Variants in HEMK2 observed in about 807,000 individuals in gnomAD.
HEMK2 encodes HemK methyltransferase 2, ETF1 glutamine and histone H4 lysine.
the HEMK2 span, among the ~76,000 whole-genome samples, chr21:28,841,368 A>ATACTATTATATAT: frequency 2.1e-3 from 58 of 27,118 alleles, 1 homozygote; most frequent in African/African-American, 0.02. Flanking sequence ...TATATTATAT[A>ATACTATTATATAT]AAATATTATA....
chr21:28,754,663 T>C, the HEMK2 span, among the ~76,000 whole-genome samples: 1 of 152,212 alleles, frequency 6.6e-6, no homozygotes, highest in Admixed American at 6.5e-5. Flanking sequence ...ACAGAATTTT[T>C]TTTTGTAAAC....
chr21:28,612,645 C>T, the HEMK2 span, among the ~76,000 whole-genome samples: 1 of 152,112 alleles, frequency 6.6e-6, no homozygotes, highest in African/African-American at 2.4e-5. Context: ...GTCAACCTGT[C>T]ACTGTTTGCT....
At chr21:28,675,158 G>C in the HEMK2 span, among the ~76,000 whole-genome samples, 1 of 152,122 alleles carries the variant, frequency 6.6e-6, no homozygotes, top group East Asian at 1.9e-4. Context: ...TGGCTTATTT[G>C]TCCATGTCTT....
chr21:28,648,160 C>T, the HEMK2 span, among the ~76,000 whole-genome samples: 1 of 152,204 alleles, frequency 6.6e-6, no homozygotes, highest in African/African-American at 2.4e-5. Flanking sequence ...AAAATTATGA[C>T]AGCAGCTTAA....
the HEMK2 span, among the ~76,000 whole-genome samples, chr21:28,787,439 G>C: frequency 0.02 from 5 of 244 alleles, no homozygotes; most frequent in African/African-American, 0.093. Context: ...CCACAGAGTG[G>C]GAGAAACCTT....
the HEMK2 span, among the ~76,000 whole-genome samples, chr21:28,751,235 A>G: frequency 2.1e-5 from 1 of 47,550 alleles, no homozygotes; most frequent in Non-Finnish European, 3.5e-5. Context: ...TGTCTCAATG[A>G]AAAAAAAAAA....
At chr21:28,578,820 C>A in the HEMK2 span, among the ~76,000 whole-genome samples, 3 of 152,112 alleles carry the variant, frequency 2.0e-5, no homozygotes, top group Non-Finnish European at 4.4e-5. Flanking sequence ...AGGCAGCACA[C>A]GTAATATTGG....
chr21:28,877,245 G>A, the HEMK2 span, among the ~76,000 whole-genome samples: 1 of 128,166 alleles, frequency 7.8e-6, no homozygotes, highest in Non-Finnish European at 1.6e-5. Context: ...GGAAGGGAAG[G>A]GAAGGGAAGA....
At chr21:28,797,001 G>C in the HEMK2 span, among the ~76,000 whole-genome samples, 1 of 152,138 alleles carries the variant, frequency 6.6e-6, no homozygotes, top group Non-Finnish European at 1.5e-5. Context: ...TGTTTTGTTG[G>C]TAGCACCCAA....
chr21:28,731,296 T>C, the HEMK2 span, among the ~76,000 whole-genome samples: 2 of 152,194 alleles, frequency 1.3e-5, no homozygotes, highest in Non-Finnish European at 2.9e-5. Flanking sequence ...CAAGGTCACA[T>C]AGATACTATG....
the HEMK2 span, among the ~76,000 whole-genome samples, chr21:28,758,840 G>C: frequency 6.6e-6 from 1 of 152,114 alleles, no homozygotes; most frequent in Admixed American, 6.5e-5. Flanking sequence ...ATCTAGATAG[G>C]CTTTTTAGAT....
chr21:28,813,839 T>C, the HEMK2 span, among the ~76,000 whole-genome samples: 1 of 152,214 alleles, frequency 6.6e-6, no homozygotes, highest in African/African-American at 2.4e-5. Context: ...GGATTCCCTA[T>C]TTAACAAAGG....
the HEMK2 span, among the ~76,000 whole-genome samples, chr21:28,808,612 A>G: frequency 2.6e-5 from 4 of 152,046 alleles, no homozygotes; most frequent in East Asian, 7.7e-4. Flanking sequence ...TTTATTTATA[A>G]ATACATTATA....
At chr21:28,685,372 GGAAGTT>G in the HEMK2 span, among the ~76,000 whole-genome samples, 2 of 152,178 alleles carry the variant, frequency 1.3e-5, no homozygotes, top group South Asian at 4.1e-4. Context: ...AGAAAGGACA[GGAAGTT>G]GAAGTTGAAG....
chr21:28,762,931 CTATG>C, the HEMK2 span, among the ~76,000 whole-genome samples: 2 of 152,106 alleles, frequency 1.3e-5, no homozygotes, highest in Admixed American at 6.5e-5. Flanking sequence ...ATTAAATTAT[CTATG>C]TAACTACAGA....
At chr21:28,775,540 G>A in the HEMK2 span, among the ~76,000 whole-genome samples, 1 of 152,120 alleles carries the variant, frequency 6.6e-6, no homozygotes, top group East Asian at 1.9e-4. Context: ...TAGATTGATA[G>A]AAAGAATGTA....
chr21:28,665,387 AT>A, the HEMK2 span, among the ~76,000 whole-genome samples: 3,730 of 14,376 alleles, frequency 0.26, 411 homozygotes, highest in African/African-American at 0.44. Flanking sequence ...TTTTTTTTTA[AT>A]TTTTTTTTTT....
the HEMK2 span, among the ~76,000 whole-genome samples, chr21:28,765,309 A>G: frequency 6.6e-6 from 1 of 152,224 alleles, no homozygotes; most frequent in East Asian, 1.9e-4. Context: ...CAGCCTCATG[A>G]AGCCAAGGAC....
the HEMK2 span, among the ~76,000 whole-genome samples, chr21:28,831,646 A>AGAAGGAAG: frequency 3.0e-5 from 1 of 33,406 alleles, no homozygotes; most frequent in African/African-American, 1.7e-4. Context: ...AAAGAAAGAA[A>AGAAGGAAG]GAAAGAAAGA....
Sources: allele counts gnomAD v4.1 joint callset (sites outside exome capture counted in the v4.1 genomes callset), GRCh38; gene constraint gnomAD v4.1.1; transcripts MANE v1.5; gene names NCBI Gene and HGNC (gene_info 2026-07-23, HGNC 2026-07-21).